Variants in SLC35D2 observed in about 807,000 individuals in gnomAD.
SLC35D2 encodes the protein solute carrier family 35 member D2, also known as nucleotide sugar transporter SLC35D2.
Under a neutral mutation model 41.8 loss-of-function variants are expected in SLC35D2, and 43 were observed. The observed-to-expected ratio is 1.03, with a 90% confidence interval of 0.81 to 1.33. The LOEUF is 1.33. Ranked by LOEUF, SLC35D2 falls within the 40% of genes most tolerant of loss-of-function variation. The pLI is 0.00. For synonymous variants in SLC35D2, 150 were observed against 163.9 expected (o/e 0.92, Z 0.65); for missense variants, 380 against 408.4 (o/e 0.93, Z 0.60).
intron 3 of SLC35D2, among the ~76,000 whole-genome samples, chr9:96,362,173 C>T (rs1830303999): frequency 6.6e-6 from 1 of 152,082 alleles, no homozygotes; most frequent in Non-Finnish European, 1.5e-5. Context: ...GTTAGATTCC[C>T]TTTATCTCAA....
intron 2 of SLC35D2, 88 bp downstream of exon 2, chr9:96,368,184 A>T: frequency 1.9e-6 from 2 of 1,075,114 alleles, no homozygotes; most frequent in Non-Finnish European, 2.7e-6. Context: ...ATAAATTTGC[A>T]AACCACAGCT....
intron 3 of SLC35D2, among the ~76,000 whole-genome samples, chr9:96,360,521 C>A (rs1441587437): frequency 7.0e-6 from 1 of 142,276 alleles, no homozygotes; most frequent in African/African-American, 2.6e-5. Context: ...CCCAGCTACT[C>A]GGGAGGCTGA....
intron 4 of SLC35D2, among the ~76,000 whole-genome samples, chr9:96,355,609 G>C (rs1357484378): frequency 6.6e-6 from 1 of 151,738 alleles, no homozygotes; most frequent in Non-Finnish European, 1.5e-5. Flanking sequence ...CAATTCTCCT[G>C]CCTCAGCCTC....
chr9:96,358,011 G>A (rs1418405661), intron 4 of SLC35D2, among the ~76,000 whole-genome samples: 1 of 149,658 alleles, frequency 6.7e-6, no homozygotes, highest in Non-Finnish European at 1.5e-5. Flanking sequence ...CTGCATTCCA[G>A]CCTGGAGACC....
At position 96,325,746 on chromosome 9, in the gene SLC35D2, T is replaced by C. The variant is rs567155831; in HGVS notation, c.753-1577A>G. ...TCACCATTGACAGAGAGAAGTGAAC[T>C]CAACTCTAGCAAAGGGGTTAGTGCA... On this transcript the variant is annotated intron_variant, in intron 9 of 11. Transcript: ENST00000253270. 4.6e-5 allele frequency among the ~76,000 whole-genome samples: 7 copies of C among 152,310 alleles called. 1 individual carries two copies. The South Asian group carries it at 1.5e-3, about 32-fold the overall frequency.
At chr9:96,343,324 A>T (rs1829424871) in intron 8 of SLC35D2, among the ~76,000 whole-genome samples, 1 of 152,180 alleles carries the variant, frequency 6.6e-6, no homozygotes, top group East Asian at 1.9e-4. Context: ...ACCTTCCCAA[A>T]ATTCAAATGT....
At chr9:96,366,517 A>ATTTTTT (rs34820429) in intron 2 of SLC35D2, among the ~76,000 whole-genome samples, 10 of 103,584 alleles carry the variant, frequency 9.7e-5, no homozygotes, top group Admixed American at 1.2e-4. Context: ...CTTATCACTG[A>ATTTTTT]TTTTTTTTTT....
intron 9 of SLC35D2, among the ~76,000 whole-genome samples, chr9:96,328,492 T>C (rs942627854): frequency 6.6e-6 from 1 of 152,220 alleles, no homozygotes; most frequent in Admixed American, 6.5e-5. Context: ...TGCACATTTA[T>C]TCAGACAACA....
intron 8 of SLC35D2, among the ~76,000 whole-genome samples, chr9:96,342,039 C>T (rs1829351226): frequency 6.6e-6 from 1 of 151,912 alleles, no homozygotes; most frequent in Admixed American, 6.5e-5. Context: ...AAAAAACCCT[C>T]GTTTCTATAA....
intron 2 of SLC35D2, among the ~76,000 whole-genome samples, chr9:96,367,772 A>C (rs1376804891): frequency 6.6e-6 from 1 of 151,830 alleles, no homozygotes; most frequent in Non-Finnish European, 1.5e-5. Context: ...ACAAGAACAA[A>C]ACTCCGTCTC....
At position 96,363,168 on chromosome 9, in the gene SLC35D2, A is replaced by ATT. The variant is rs1198865886; in HGVS notation, c.279+1294_279+1295dup. On this transcript the variant is annotated intron_variant, in intron 3 of 11. Transcript: ENST00000253270. ...AGGCGTGAGCCACCCCACCTGGCTT[A>ATT]TTTTTTTTTTTTTTTTGAGACAACG... is the stretch of plus-strand genomic sequence containing the variant. Among the ~76,000 whole-genome samples, 383 of 131,416 alleles carry ATT rather than the reference A, an allele frequency of 2.9e-3. 2 individuals are homozygous for ATT. The highest frequency in any genetic ancestry group is 9.6e-3 in the African/African-American group (354 of 36,868). The allele number at this position is 131,416 out of a possible 152,430, so 86.2% of individuals were successfully genotyped here. A position where few individuals can be genotyped will look rare whatever the true frequency, so the allele number is the denominator to read the frequency against.
intron 4 of SLC35D2, among the ~76,000 whole-genome samples, chr9:96,352,334 T>A (rs934713642): frequency 1.6e-4 from 24 of 152,306 alleles, no homozygotes; most frequent in Admixed American, 2.6e-4. Context: ...TTATTTATTT[T>A]TTTTGGAGAC....
chr9:96,352,365 A>G (rs1243323752), intron 4 of SLC35D2, among the ~76,000 whole-genome samples: 1 of 152,020 alleles, frequency 6.6e-6, no homozygotes, highest in African/African-American at 2.4e-5. Flanking sequence ...TGTGTTGCCC[A>G]GGCTGTAGTG....
intron 4 of SLC35D2, among the ~76,000 whole-genome samples, chr9:96,359,378 T>G (rs927082103): frequency 6.6e-6 from 1 of 151,382 alleles, no homozygotes; most frequent in East Asian, 2.0e-4. Flanking sequence ...TAAGGTATTA[T>G]GTGCCCCATA....
chr9:96,326,673 C>T (rs369913141), intron 9 of SLC35D2, among the ~76,000 whole-genome samples: 19 of 152,046 alleles, frequency 1.2e-4, no homozygotes, highest in African/African-American at 4.6e-4. Flanking sequence ...GGCATGGTGG[C>T]ATGCGCCTGT....
At position 96,321,237 on chromosome 9, in the gene SLC35D2, A is replaced by G. The variant is rs1289295177; in HGVS notation, c.*5T>C. On this transcript the variant is annotated 3_prime_UTR_variant, in exon 12 of 12. Coordinates refer to ENST00000253270, the MANE Select transcript of SLC35D2 (RefSeq NM_007001.3). ...AAGTCAGTCTCCAATCCTGCTGCAG[A>G]CTCTTTAGCTCTTCAAATCCAAACA... 1.2e-6 allele frequency: 2 copies of G among 1,606,236 alleles called. No homozygotes were observed. Among genetic ancestry groups the G allele is most frequent in the South Asian group, 1.1e-5 (1 of 90,702 alleles).
At chr9:96,368,390 A>C in intron 1 of SLC35D2, 85 bp from the exon 2 acceptor site, 1 of 959,988 alleles carries the variant, frequency 1.0e-6, no homozygotes, top group East Asian at 2.6e-5. Flanking sequence ...AAGTTATTAA[A>C]CAATCTGAGA....
intron 3 of SLC35D2, 131 bp from the exon 4 acceptor site, chr9:96,360,352 G>A (rs1830211084): frequency 1.7e-5 from 12 of 722,846 alleles, no homozygotes; most frequent in Admixed American, 4.8e-5. Flanking sequence ...TGATTTTGGC[G>A]GGGCGCAGTG....
Position 96,364,561 on chromosome 9 carries a change from G to A in SLC35D2, c.193-11C>T. 1 of 1,549,524 alleles carries A rather than the reference G, an allele frequency of 6.5e-7. No individual in the cohort carries two copies. Among genetic ancestry groups the A allele is most frequent in the Non-Finnish European group, 8.9e-7 (1 of 1,124,296 alleles). ...TATGGTGGCTGCCATCTGAAGAAAA[G>A]GGGAGAGAGAAACTTCAGCAAAATA... is the stretch of plus-strand genomic sequence containing the variant. On this transcript the variant is annotated splice_polypyrimidine_tract_variant and intron_variant, in intron 2 of 11. Transcript: ENST00000253270.
Sources: allele counts gnomAD v4.1 joint callset (sites outside exome capture counted in the v4.1 genomes callset), GRCh38; gene constraint gnomAD v4.1.1; transcripts MANE v1.5; gene names NCBI Gene and HGNC (gene_info 2026-07-23, HGNC 2026-07-21).